PCDHGB6: variants seen among roughly 807,000 people sequenced by gnomAD.
PCDHGB6 encodes the protein protocadherin gamma-B6.
PCDHGB6 carries 51 observed loss-of-function variants against 59.1 expected under a neutral mutation model. The ratio of observed to expected loss-of-function variants is 0.86; its 90% CI spans 0.69 to 1.09. The LOEUF is 1.09. PCDHGB6 is among the 50% of genes least tolerant of loss of function. PCDHGB6 has a pLI of 0.00. For missense variants in PCDHGB6, 1,148 were observed against 1,205.1 expected (o/e 0.95, Z 0.70); for synonymous variants, 466 against 495.1 (o/e 0.94, Z 0.78).
In PCDHGB6 at chr5:141,420,606, G is replaced by A. The variant is rs141099124; in HGVS notation, c.2418+9986G>A. On this transcript the variant is annotated intron_variant, in intron 1 of 3. Coordinates refer to ENST00000520790, the MANE Select transcript of PCDHGB6 (RefSeq NM_018926.3). Reference sequence around the variant, plus strand: ...CCTGATGCTACTCAATTTTTCTCAAGTATTTCATCTTCATTTACTCAATAA... The same window carrying A: ...CCTGATGCTACTCAATTTTTCTCAAATATTTCATCTTCATTTACTCAATAA... Among the ~76,000 whole-genome samples the A allele has an allele frequency of 2.7e-3, 411 of 152,256 alleles. 1 individual carries two copies. Among genetic ancestry groups the A allele is most frequent in the African/African-American group, 9.4e-3 (392 of 41,546 alleles).
intron 2 of PCDHGB6, among the ~76,000 whole-genome samples, chr5:141,499,869 G>A (rs1247615457): frequency 3.3e-5 from 5 of 151,938 alleles, no homozygotes; most frequent in Non-Finnish European, 5.9e-5. Context: ...TGTATTTTCA[G>A]TACAAACAGG....
Position 141,432,483 on chromosome 5 carries a change from T to C in PCDHGB6, c.2418+21863T>C, listed in dbSNP as rs776090923. The C allele has an allele frequency of 6.2e-7, 1 of 1,614,136 alleles. No homozygotes were observed. The highest frequency in any genetic ancestry group is 1.1e-5 in the South Asian group (1 of 91,078). ...CTCCCCACGGACGGTTCCACTGGCG[T>C]GGAGCTGGCTCCCCGCTCCGCAGAG... On this transcript the variant is annotated intron_variant, in intron 1 of 3. Coordinates refer to ENST00000520790, the MANE Select transcript of PCDHGB6 (RefSeq NM_018926.3). The surrounding 1 kb of genome is among the most constrained non-coding windows in gnomAD (Gnocchi z 6.0).
chr5:141,484,940 G>C, intron 1 of PCDHGB6: 1 of 541,138 alleles, frequency 1.8e-6, no homozygotes, highest in Non-Finnish European at 3.3e-6. Flanking sequence ...GACGTTCTCT[G>C]CTCAGCCTAT....
intron 1 of PCDHGB6, chr5:141,441,667 A>C: frequency 3.7e-6 from 1 of 267,984 alleles, no homozygotes; most frequent in Non-Finnish European, 7.4e-6. Flanking sequence ...TTGAGCGCAC[A>C]GTGCGCCTTC....
In PCDHGB6 at chr5:141,491,552, G is replaced by A. The variant is rs769927075; in HGVS notation, c.2419-3255G>A. 1 of 1,614,008 alleles carries A rather than the reference G, an allele frequency of 6.2e-7. No individual in the cohort carries two copies. The highest frequency in any genetic ancestry group is 1.7e-5 in the Admixed American group (1 of 60,024). On this transcript the variant is annotated intron_variant, in intron 1 of 3. Coordinates refer to ENST00000520790, the MANE Select transcript of PCDHGB6 (RefSeq NM_018926.3). This position sits in a 1 kb window ranked among gnomAD's most constrained non-coding sequence, Gnocchi z 6.9. Reference sequence around the variant, plus strand: ...ACGCTGCGGCCCACAGACTCGCAGAGCCACTGCTACAGGACGTGCTTTTCA... The same window carrying A: ...ACGCTGCGGCCCACAGACTCGCAGAACCACTGCTACAGGACGTGCTTTTCA...
Position 141,432,289 on chromosome 5 carries a change from C to T in PCDHGB6, c.2418+21669C>T, listed in dbSNP as rs762278053. ...CGTCCTACGTGTCCATCAACTCCGACACTGGGGTACTGTATGCGCTGAGCT... is the reference window on the plus strand; with the variant it reads ...CGTCCTACGTGTCCATCAACTCCGATACTGGGGTACTGTATGCGCTGAGCT... On this transcript the variant is annotated intron_variant, in intron 1 of 3. Coordinates refer to ENST00000520790, the MANE Select transcript of PCDHGB6 (RefSeq NM_018926.3). The surrounding 1 kb of genome is among the most constrained non-coding windows in gnomAD (Gnocchi z 6.0). The T allele has an allele frequency of 6.2e-7, 1 of 1,614,266 alleles. No homozygotes were observed. Among genetic ancestry groups the T allele is most frequent in the Admixed American group, 1.7e-5 (1 of 60,038 alleles).
intron 1 of PCDHGB6, among the ~76,000 whole-genome samples, chr5:141,465,911 A>G (rs540115471): frequency 6.6e-6 from 1 of 152,260 alleles, no homozygotes; most frequent in East Asian, 1.9e-4. Context: ...TCACGAGGTC[A>G]GGATTTCGAG....
intron 1 of PCDHGB6, among the ~76,000 whole-genome samples, chr5:141,449,199 A>T (rs927587807): frequency 3.3e-5 from 5 of 152,190 alleles, no homozygotes; most frequent in Admixed American, 2.6e-4. Flanking sequence ...AGAAGTGTTA[A>T]TTCTAACTTT....
chr5:141,488,633 A>G (rs2099677537), intron 1 of PCDHGB6, among the ~76,000 whole-genome samples: 1 of 152,174 alleles, frequency 6.6e-6, no homozygotes, highest in South Asian at 2.1e-4. Context: ...TCACCTTAGC[A>G]GCATTCAGCA....
intron 1 of PCDHGB6, among the ~76,000 whole-genome samples, chr5:141,467,032 T>G (rs551565159): frequency 2.0e-5 from 3 of 152,164 alleles, no homozygotes; most frequent in Non-Finnish European, 2.9e-5. Flanking sequence ...GTTTTTGTTT[T>G]TTGTGTAATG....
chr5:141,442,472 C>T (rs1032989256), intron 1 of PCDHGB6: 1 of 152,204 alleles, frequency 6.6e-6, no homozygotes, highest in Non-Finnish European at 1.5e-5. Context: ...GCAGAAAGCC[C>T]CTTGGGGAAG....
In PCDHGB6 at chr5:141,491,491, G is replaced by C. The variant is rs2099717103; in HGVS notation, c.2419-3316G>C. The C allele has an allele frequency of 1.2e-6, 2 of 1,614,042 alleles. No homozygotes were observed. The highest frequency in any genetic ancestry group is 1.7e-5 in the Admixed American group (1 of 60,016). The stretch of plus-strand genomic sequence containing the variant: ...TAAGCAGTCCAGCCCCAACCTGCAG[G>C]TGAGCTCGGACGGCACGCTCAAGTA... On this transcript the variant is annotated intron_variant, in intron 1 of 3. Transcript: ENST00000520790. The surrounding 1 kb of genome is among the most constrained non-coding windows in gnomAD (Gnocchi z 6.9).
chr5:141,503,075 G>A (rs1373753092), intron 2 of PCDHGB6, among the ~76,000 whole-genome samples: 1 of 151,438 alleles, frequency 6.6e-6, no homozygotes, highest in African/African-American at 2.4e-5. Context: ...GAATGGTCTC[G>A]ATCTCCTGAC....
At chr5:141,421,387 G>A in intron 1 of PCDHGB6, 3 of 1,614,054 alleles carry the variant, frequency 1.9e-6, no homozygotes, top group Non-Finnish European at 2.5e-6. Context: ...CAAGGACCTG[G>A]GGCTGGAGCC....
At chr5:141,500,192 A>T (rs865941565) in intron 2 of PCDHGB6, among the ~76,000 whole-genome samples, 1 of 110,142 alleles carries the variant, frequency 9.1e-6, no homozygotes, top group Non-Finnish European at 2.0e-5. Context: ...ATTTTTATTT[A>T]TTTATTTATT....
At chr5:141,497,664 C>T (rs779506763) in intron 2 of PCDHGB6, among the ~76,000 whole-genome samples, 14 of 151,904 alleles carry the variant, frequency 9.2e-5, no homozygotes, top group Non-Finnish European at 1.8e-4. Context: ...CTCAGCCTCC[C>T]GAGTAGCTGG....
intron 1 of PCDHGB6, chr5:141,418,797 A>T (rs201246978): frequency 1.9e-6 from 3 of 1,613,896 alleles, no homozygotes; most frequent in Non-Finnish European, 2.5e-6. Flanking sequence ...GAAGAAGTAG[A>T]AAGATATACG....
chr5:141,447,056 G>A (rs1452688256), intron 1 of PCDHGB6, among the ~76,000 whole-genome samples: 1 of 152,058 alleles, frequency 6.6e-6, no homozygotes, highest in Non-Finnish European at 1.5e-5. Flanking sequence ...CTATTAAAAT[G>A]TGTCAGGCTG....
chr5:141,410,458 T>A lies in PCDHGB6; in HGVS notation c.2256T>A (p.Tyr752Ter). The A allele has an allele frequency of 6.2e-7, 1 of 1,614,040 alleles. No individual in the cohort carries two copies. The highest frequency in any genetic ancestry group is 1.3e-5 in the African/African-American group (1 of 75,056). The change falls in exon 1 of 4, where the codon TAT becomes TAA. Residue 752 changes from tyrosine to a stop codon, truncating the protein, a stop_gained. Coordinates refer to ENST00000520790, the MANE Select transcript of PCDHGB6 (RefSeq NM_018926.3). LOFTEE classifies it high-confidence loss of function. ...GTGAGGGGACTTTGCCTTATTCTTA[T>A]AATCTGTGCATTGCACATACGGGTA... is the stretch of plus-strand genomic sequence containing the variant. ...NYSEGTLPYS[Y>*]NLCIAHTGTK...
Sources: gnomAD v4.1 joint callset for allele counts (sites outside exome capture counted in the v4.1 genomes callset) on GRCh38, gnomAD v4.1.1 for gene constraint, Gnocchi (gnomAD v3.1) non-coding constraint, MANE v1.5 for transcripts, NCBI Gene and HGNC (gene_info 2026-07-23, HGNC 2026-07-21) for gene names.